Variants in PRKN observed in about 807,000 individuals in gnomAD.
PRKN encodes the protein E3 ubiquitin-protein ligase parkin.
Under a neutral mutation model 59.5 loss-of-function variants are expected in PRKN, and 56 were observed. The observed-to-expected ratio is 0.94, with a 90% CI of 0.76 to 1.18. PRKN has a LOEUF of 1.18. Among genes scored for constraint, PRKN ranks in the 50% most tolerant of loss-of-function variants. The pLI, the probability that PRKN is intolerant of heterozygous loss-of-function variation, is 0.00. For synonymous variants in PRKN, 250 were observed against 222.1 expected, an observed-to-expected ratio of 1.13 and a Z score of -1.12; for missense variants, 657 against 596.4, an observed-to-expected ratio of 1.10 and a Z score of -1.06.
At chr6:162,246,385 A>T (rs1247489400) in intron 3 of PRKN, among the ~76,000 whole-genome samples, 1 of 152,126 alleles carries the variant, frequency 6.6e-6, no homozygotes, top group Non-Finnish European at 1.5e-5. Context: ...CAACACCTTG[A>T]TCTTGGACAT....
chr6:161,777,676 T>TAA (rs1789986623), intron 7 of PRKN, among the ~76,000 whole-genome samples: 1 of 143,282 alleles, frequency 7.0e-6, no homozygotes, highest in Admixed American at 7.1e-5. Flanking sequence ...TATGAGAATA[T>TAA]ATATATAATA....
At chr6:162,646,126 C>A (rs1203367866) in intron 1 of PRKN, among the ~76,000 whole-genome samples, 1 of 152,020 alleles carries the variant, frequency 6.6e-6, no homozygotes, top group Non-Finnish European at 1.5e-5. Flanking sequence ...CCCGCCTCGG[C>A]CTCCCAAAGT....
chr6:162,061,427 T>C (rs1343508579), intron 4 of PRKN, among the ~76,000 whole-genome samples: 1 of 152,168 alleles, frequency 6.6e-6, no homozygotes, highest in Non-Finnish European at 1.5e-5. Context: ...AGAAGCCCTT[T>C]CCAAGGGACC....
Position 161,360,038 on chromosome 6 carries a change from T to TC in PRKN, c.1285+49dup. ...CTGGAATCCCTGATGGGTATGATTCTCCCCCAAAGAGCACACGACATCCTC... is the reference window on the plus strand; with the variant it reads ...CTGGAATCCCTGATGGGTATGATTCTCCCCCCAAAGAGCACACGACATCCTC... On this transcript the variant is annotated intron_variant, in intron 11 of 11. Coordinates refer to ENST00000366898, the MANE Select transcript of PRKN (RefSeq NM_004562.3). The surrounding 1 kb of genome is among the most constrained non-coding windows in gnomAD (Gnocchi z 5.1). The TC allele has an allele frequency of 7.5e-7, 1 of 1,335,200 alleles. No individual in the cohort carries two copies. The highest frequency in any genetic ancestry group is 1.1e-6 in the Non-Finnish European group (1 of 925,530). 82.7% of individuals were successfully genotyped at this position (1,335,200 alleles called of 1,614,324 possible).
chr6:162,229,411 T>G (rs2128085204), intron 3 of PRKN, among the ~76,000 whole-genome samples: 1 of 152,258 alleles, frequency 6.6e-6, no homozygotes, highest in South Asian at 2.1e-4. Context: ...GACACAAGCG[T>G]CACCCACGCA....
intron 2 of PRKN, among the ~76,000 whole-genome samples, chr6:162,359,571 C>T (rs1220787517): frequency 7.3e-6 from 1 of 137,806 alleles, no homozygotes; most frequent in African/African-American, 2.9e-5. Context: ...TTTGCTATAA[C>T]TAAATATACC....
chr6:161,350,149 C>T lies in PRKN; in HGVS notation c.1348G>A (p.Gly450Ser), dbSNP rs1268998803. Residue 450 changes from glycine to serine, a missense_variant, in exon 12 of 12, where the codon GGC (glycine) becomes AGC (serine). Coordinates refer to ENST00000366898, the MANE Select transcript of PRKN (RefSeq NM_004562.3). ...QCRLEWCWNC[G>S]CEWNRVCMGD... Reference sequence around the variant, plus strand: ...ATGCAGACGCGGTTCCACTCGCAGCCACAGTTCCAGCACCACTCGAGCCTG... The same window carrying T: ...ATGCAGACGCGGTTCCACTCGCAGCTACAGTTCCAGCACCACTCGAGCCTG... The T allele has an allele frequency of 6.2e-7, 1 of 1,613,568 alleles. No individual in the cohort carries two copies. Among genetic ancestry groups the T allele is most frequent in the Non-Finnish European group, 8.5e-7 (1 of 1,179,994 alleles).
Position 161,451,059 on chromosome 6 carries a change from A to G in PRKN, c.1084-64182T>C, listed in dbSNP as rs773197807. On this transcript the variant is annotated intron_variant, in intron 9 of 11. Transcript: ENST00000366898. The surrounding 1 kb of genome is among the most constrained non-coding windows in gnomAD (Gnocchi z 5.9). ...TTTTAAAGAGGCAGGTAAGCAGGTA[A>G]TAGAGAAGCCTTGAGGACTAGAACA... Among the ~76,000 whole-genome samples the G allele has an allele frequency of 3.9e-5, 6 of 152,140 alleles. No homozygotes were observed. Among genetic ancestry groups the G allele is most frequent in the Non-Finnish European group, 7.3e-5 (5 of 68,036 alleles).
intron 3 of PRKN, 82 bp downstream of exon 3, chr6:162,262,443 C>A: frequency 1.3e-6 from 2 of 1,534,628 alleles, no homozygotes; most frequent in Non-Finnish European, 1.8e-6. Context: ...ACTAAATATG[C>A]ACCCGGTGAG....
At chr6:161,858,857 A>AATTTTTTTTTTT (rs1491531194) in intron 6 of PRKN, among the ~76,000 whole-genome samples, 3 of 55,976 alleles carry the variant, frequency 5.4e-5, no homozygotes, top group Non-Finnish European at 7.9e-5. Context: ...GCACAGCTGT[A>AATTTTTTTTTTT]CTTTTTTTTT....
intron 4 of PRKN, among the ~76,000 whole-genome samples, chr6:162,164,453 C>A (rs1256094996): frequency 6.7e-6 from 1 of 148,562 alleles, no homozygotes; most frequent in East Asian, 1.9e-4. Flanking sequence ...CTCAGGCAAA[C>A]CTCCCACCTT....
intron 7 of PRKN, among the ~76,000 whole-genome samples, chr6:161,711,782 A>G (rs1359982263): frequency 6.6e-6 from 1 of 152,178 alleles, no homozygotes; most frequent in African/African-American, 2.4e-5. Context: ...TGAGTCTTCC[A>G]GCCTTCATCT....
intron 6 of PRKN, among the ~76,000 whole-genome samples, chr6:161,895,579 CCA>C (rs1491341882): frequency 1.8e-5 from 2 of 113,048 alleles, no homozygotes; most frequent in South Asian, 3.2e-4. Flanking sequence ...GTTATACACC[CCA>C]GTGAGGCTTC....
chr6:161,973,766 G>T (rs1173361402), intron 5 of PRKN, among the ~76,000 whole-genome samples: 1 of 152,218 alleles, frequency 6.6e-6, no homozygotes, highest in African/African-American at 2.4e-5. Context: ...CACTAATGAG[G>T]AAAGGGAGAC....
At chr6:161,914,066 G>A (rs1386606429) in intron 6 of PRKN, among the ~76,000 whole-genome samples, 1 of 152,168 alleles carries the variant, frequency 6.6e-6, no homozygotes, top group East Asian at 1.9e-4. Flanking sequence ...TGTTAAGGCA[G>A]CCAAAGCAGA....
At chr6:161,589,334 C>G (rs1781631481) in intron 7 of PRKN, among the ~76,000 whole-genome samples, 1 of 152,172 alleles carries the variant, frequency 6.6e-6, no homozygotes, top group Non-Finnish European at 1.5e-5. Flanking sequence ...AAAGCCCTCA[C>G]CTCACTCCAC....
intron 5 of PRKN, among the ~76,000 whole-genome samples, chr6:162,011,197 CTATAT>C (rs373172285): frequency 3.2e-5 from 1 of 31,724 alleles, no homozygotes; most frequent in Non-Finnish European, 5.2e-5. Context: ...ATAATATATA[CTATAT>C]TATATATAAT....
intron 2 of PRKN, among the ~76,000 whole-genome samples, chr6:162,429,737 C>T (rs936975605): frequency 1.3e-5 from 2 of 152,114 alleles, no homozygotes; most frequent in African/African-American, 4.8e-5. Flanking sequence ...AAAGTGGGGA[C>T]GCACCGGTCC....
chr6:161,559,064 A>C (rs1308737526), intron 8 of PRKN, among the ~76,000 whole-genome samples: 1 of 135,528 alleles, frequency 7.4e-6, no homozygotes, highest in East Asian at 2.0e-4. Flanking sequence ...AAAAAAAAAA[A>C]AACCAGTAAA....
Sources: allele counts gnomAD v4.1 joint callset (sites outside exome capture counted in the v4.1 genomes callset), GRCh38; gene constraint gnomAD v4.1.1; non-coding constraint Gnocchi (gnomAD v3.1); transcripts MANE v1.5; gene names NCBI Gene and HGNC (gene_info 2026-07-23, HGNC 2026-07-21).